The following RGS6 variants were observed in gnomAD, a reference collection of about 807,000 sequenced individuals.
RGS6 encodes the protein regulator of G-protein signaling 6.
A neutral mutation model predicts 78.5 loss-of-function variants in RGS6; 30 were observed. The observed-to-expected ratio is 0.38, with a 90% CI of 0.29 to 0.52. The LOEUF is 0.52. RGS6 is among the 20% of genes least tolerant of loss of function. RGS6 has a pLI of 0.85. For synonymous variants in RGS6, 206 were observed against 206.0 expected, an observed-to-expected ratio of 1.00 and a Z score of 0.00; for missense variants, 495 against 609.7, an observed-to-expected ratio of 0.81 and a Z score of 1.98.
intron 2 of RGS6, among the ~76,000 whole-genome samples, chr14:72,327,915 A>G (rs1427269440): frequency 1.3e-5 from 2 of 149,680 alleles, no homozygotes; most frequent in Non-Finnish European, 2.9e-5. Context: ...TAGCCTAGAT[A>G]TATAGATATA....
At chr14:72,355,326 T>G (rs2080040337) in intron 3 of RGS6, among the ~76,000 whole-genome samples, 1 of 152,098 alleles carries the variant, frequency 6.6e-6, no homozygotes, top group African/African-American at 2.4e-5. Flanking sequence ...CCTGAGTAGC[T>G]GGGATTACAG....
At chr14:72,248,140 G>A (rs2054699942) in intron 2 of RGS6, among the ~76,000 whole-genome samples, 1 of 152,100 alleles carries the variant, frequency 6.6e-6, no homozygotes, top group Non-Finnish European at 1.5e-5. Flanking sequence ...CTTTCCAGGG[G>A]TTCTGTAAGG....
At chr14:72,310,159 G>A (rs1213479509) in intron 2 of RGS6, among the ~76,000 whole-genome samples, 2 of 152,222 alleles carry the variant, frequency 1.3e-5, no homozygotes, top group African/African-American at 2.4e-5. Context: ...GCACTGCTGA[G>A]CAGAGCCAGG....
At chr14:72,528,278 C>A (rs977852430) in intron 15 of RGS6, among the ~76,000 whole-genome samples, 1 of 152,210 alleles carries the variant, frequency 6.6e-6, no homozygotes, top group Admixed American at 6.5e-5. Flanking sequence ...CACTGTGCCT[C>A]GGACTCTATT....
At chr14:72,092,871 G>A (rs8007826) in intron 2 of RGS6, among the ~76,000 whole-genome samples, 132,294 of 152,086 alleles carry the variant, frequency 0.87, 57,878 homozygotes, top group Admixed American at 0.93. Context: ...TATGTCAACT[G>A]AAGTCCATAC....
chr14:72,624,640 C>T, the RGS6 span, among the ~76,000 whole-genome samples: 9 of 152,134 alleles, frequency 5.9e-5, no homozygotes, highest in Non-Finnish European at 1.5e-5. Flanking sequence ...CGCCCGGCCC[C>T]CAACCTATGT....
rs550694462 is a variant in RGS6, at chr14:72,289,247, A to C, written c.85-62848A>C. Among the ~76,000 whole-genome samples, 3 of 152,018 alleles carry C rather than the reference A, an allele frequency of 2.0e-5. No homozygotes were observed. In the East Asian group the frequency reaches 5.8e-4, roughly 29 times the overall value. ...GCTGAGGCCGTATCTCCTAACCTGC[A>C]TGCTCTCCCTCTCTATTTTCTTTGT... On this transcript the variant is annotated intron_variant, in intron 2 of 17. Coordinates refer to ENST00000553525, the MANE Select transcript of RGS6 (RefSeq NM_001204424.2).
At chr14:72,284,438 AGGTATAGCTGGGGCCAT>A (rs2062135994) in intron 2 of RGS6, among the ~76,000 whole-genome samples, 1 of 152,212 alleles carries the variant, frequency 6.6e-6, no homozygotes, top group Non-Finnish European at 1.5e-5. Context: ...AAAGGGGCCA[AGGTATAGCTGGGGCCAT>A]GGCTTCAGAA....
chr14:72,261,228 C>T (rs1053870178), intron 2 of RGS6, among the ~76,000 whole-genome samples: 8 of 152,156 alleles, frequency 5.3e-5, no homozygotes, highest in East Asian at 1.9e-4. Flanking sequence ...GAAAACAGCA[C>T]GACCTGATGT....
intron 3 of RGS6, among the ~76,000 whole-genome samples, chr14:72,419,704 C>A (rs1354891083): frequency 1.3e-5 from 2 of 152,134 alleles, no homozygotes; most frequent in Non-Finnish European, 2.9e-5. Context: ...CTCCTGAAAT[C>A]ATCATAACCC....
At chr14:72,506,159 C>T (rs1024206562) in intron 13 of RGS6, among the ~76,000 whole-genome samples, 11 of 152,170 alleles carry the variant, frequency 7.2e-5, no homozygotes, top group Non-Finnish European at 1.5e-5. Flanking sequence ...TAGTGCTGAA[C>T]ACTTGCCATG....
intron 1 of RGS6, among the ~76,000 whole-genome samples, chr14:71,933,673 T>C (rs1271686144): frequency 6.6e-6 from 1 of 152,238 alleles, no homozygotes; most frequent in Non-Finnish European, 1.5e-5. Flanking sequence ...TTATTTTCCT[T>C]CTCTGTCATT....
chr14:72,202,251 T>C (rs2238240), intron 2 of RGS6, among the ~76,000 whole-genome samples: 13,192 of 152,226 alleles, frequency 0.087, 677 homozygotes, highest in East Asian at 0.21. Context: ...TCCAAATCGC[T>C]GAGACCATGC....
chr14:72,600,211 C>T, the RGS6 span, among the ~76,000 whole-genome samples: 2 of 152,114 alleles, frequency 1.3e-5, no homozygotes, highest in African/African-American at 4.8e-5. Context: ...TGGGAAAGTA[C>T]ACGAACAATA....
At chr14:72,544,786 G>A (rs1044067696) in intron 17 of RGS6, among the ~76,000 whole-genome samples, 1 of 152,200 alleles carries the variant, frequency 6.6e-6, no homozygotes, top group Non-Finnish European at 1.5e-5. Flanking sequence ...CCTGCCAAAA[G>A]CCAAGGAAGA....
chr14:72,166,093 GACACACACACACACACACACAC>G (rs3055029), intron 2 of RGS6, among the ~76,000 whole-genome samples: 3 of 107,798 alleles, frequency 2.8e-5, no homozygotes, highest in East Asian at 3.5e-4. Flanking sequence ...CCATTTTTGA[GACACACACACACACACACACAC>G]ACACACACAC....
chr14:72,132,267 C>T (rs535587583), intron 2 of RGS6, among the ~76,000 whole-genome samples: 1 of 149,146 alleles, frequency 6.7e-6, no homozygotes, highest in Non-Finnish European at 1.5e-5. Context: ...TGTATGTATT[C>T]TTCTTCTTCT....
intron 2 of RGS6, among the ~76,000 whole-genome samples, chr14:72,172,691 C>T (rs533941762): frequency 3.9e-5 from 6 of 152,238 alleles, no homozygotes; most frequent in Non-Finnish European, 8.8e-5. Flanking sequence ...TCCTCAAGTC[C>T]CTTTCATGTG....
intron 12 of RGS6, among the ~76,000 whole-genome samples, chr14:72,489,853 T>C (rs191366818): frequency 1.3e-5 from 2 of 152,294 alleles, no homozygotes; most frequent in South Asian, 2.1e-4. Flanking sequence ...TAAACTTCTG[T>C]TGTTTTAACC....
Sources: allele counts gnomAD v4.1 joint callset (sites outside exome capture counted in the v4.1 genomes callset), GRCh38; gene constraint gnomAD v4.1.1; transcripts MANE v1.5; gene names NCBI Gene and HGNC (gene_info 2026-07-23, HGNC 2026-07-21).